Variants in NEBL observed in about 807,000 individuals in gnomAD.
NEBL encodes nebulette, also known as LIM and SH3 protein 2.
NEBL carries 122 observed loss-of-function variants against 140.2 expected under a neutral mutation model. The observed-to-expected ratio is 0.87, with a 90% CI of 0.75 to 1.01. The LOEUF is 1.01. NEBL is among the 50% of genes least tolerant of loss of function. NEBL has a pLI of 0.00. For synonymous variants in NEBL, 436 were observed against 398.9 expected, an observed-to-expected ratio of 1.09 and a Z score of -1.11; for missense variants, 1,365 against 1,231.3, an observed-to-expected ratio of 1.11 and a Z score of -1.62.
At chr10:21,130,636 C>T (rs1330201531) in intron 2 of NEBL, among the ~76,000 whole-genome samples, 1 of 152,066 alleles carries the variant, frequency 6.6e-6, no homozygotes, top group Non-Finnish European at 1.5e-5. Flanking sequence ...TTCTAAATAA[C>T]ACATGGTTCA....
At chr10:21,057,039 C>A (rs1230129480) in intron 2 of NEBL, among the ~76,000 whole-genome samples, 1 of 151,996 alleles carries the variant, frequency 6.6e-6, no homozygotes, top group African/African-American at 2.4e-5. Flanking sequence ...GTAGAAAAGT[C>A]AAGTTTACTC....
chr10:20,807,080 C>T (rs1588647943), intron 26 of NEBL, among the ~76,000 whole-genome samples: 1 of 152,130 alleles, frequency 6.6e-6, no homozygotes, highest in Non-Finnish European at 1.5e-5. Flanking sequence ...GATCCCCGCA[C>T]TTGGGAGGCT....
chr10:20,795,502 T>C (rs1270569443), intron 26 of NEBL, among the ~76,000 whole-genome samples: 2 of 152,212 alleles, frequency 1.3e-5, no homozygotes, highest in East Asian at 1.9e-4. Context: ...TTTAGATTTA[T>C]TGTAAGAGTC....
intron 2 of NEBL, among the ~76,000 whole-genome samples, chr10:21,249,230 T>C (rs558520688): frequency 1.3e-5 from 2 of 152,286 alleles, no homozygotes; most frequent in East Asian, 3.9e-4. Context: ...TTTTTGTCGT[T>C]GAATCTTAGG....
intron 3 of NEBL, among the ~76,000 whole-genome samples, chr10:21,222,237 G>A (rs1424570797): frequency 6.6e-6 from 1 of 151,468 alleles, no homozygotes; most frequent in Non-Finnish European, 1.5e-5. Flanking sequence ...CTTAAGCCCA[G>A]GAGTTGAGAG....
chr10:21,108,226 C>T (rs1837811959), intron 2 of NEBL, among the ~76,000 whole-genome samples: 2 of 151,990 alleles, frequency 1.3e-5, no homozygotes, highest in African/African-American at 4.8e-5. Flanking sequence ...TTTGCTCTTG[C>T]TTCTCTAGTT....
chr10:21,122,843 C>A (rs1333997611), intron 2 of NEBL, among the ~76,000 whole-genome samples: 1 of 152,162 alleles, frequency 6.6e-6, no homozygotes, highest in African/African-American at 2.4e-5. Context: ...TCCACTTATA[C>A]CCCCTTCAAG....
chr10:21,113,421 C>A, intron 2 of NEBL: 1 of 420,818 alleles, frequency 2.4e-6, no homozygotes, highest in South Asian at 1.9e-5. Context: ...AAGCCAAGTT[C>A]ATCAATTATG....
At chr10:21,044,400 A>T (rs868441401) in intron 2 of NEBL, among the ~76,000 whole-genome samples, 35 of 139,822 alleles carry the variant, frequency 2.5e-4, no homozygotes, top group African/African-American at 8.7e-4. Flanking sequence ...GTAAGAATAA[A>T]AAAAAAAAAA....
At chr10:20,939,499 A>C (rs1338793199) in intron 4 of NEBL, among the ~76,000 whole-genome samples, 1 of 152,228 alleles carries the variant, frequency 6.6e-6, no homozygotes, top group East Asian at 1.9e-4. Context: ...TGTAAAGACC[A>C]TCGAGGCTAG....
intron 4 of NEBL, among the ~76,000 whole-genome samples, chr10:20,906,381 G>A (rs1157234930): frequency 6.6e-6 from 1 of 152,028 alleles, no homozygotes; most frequent in Non-Finnish European, 1.5e-5. Flanking sequence ...TACTACTGAT[G>A]CTCAGAAGTT....
chr10:21,032,997 G>T (rs535791894), intron 2 of NEBL, among the ~76,000 whole-genome samples: 4 of 152,010 alleles, frequency 2.6e-5, no homozygotes, highest in African/African-American at 9.7e-5. Context: ...TGGTGTAAAA[G>T]GTGAGAAATT....
chr10:21,022,370 A>G (rs1838833432), intron 2 of NEBL, among the ~76,000 whole-genome samples: 1 of 152,216 alleles, frequency 6.6e-6, no homozygotes, highest in Non-Finnish European at 1.5e-5. Context: ...CTGATGCAGT[A>G]ATCATTTGTC....
chr10:20,943,569 C>A (rs57298100), intron 4 of NEBL, among the ~76,000 whole-genome samples: 66 of 151,998 alleles, frequency 4.3e-4, no homozygotes, highest in African/African-American at 1.6e-3. Context: ...TGCACATGTA[C>A]CCTAAAAGTT....
At chr10:20,798,972 C>T (rs956755650) in intron 26 of NEBL, among the ~76,000 whole-genome samples, 1 of 151,988 alleles carries the variant, frequency 6.6e-6, no homozygotes, top group African/African-American at 2.4e-5. Flanking sequence ...TTTCGCTGCC[C>T]GAAACTTTTT....
chr10:21,007,788 GA>G (rs1418809039), intron 3 of NEBL, among the ~76,000 whole-genome samples: 3 of 152,114 alleles, frequency 2.0e-5, no homozygotes, highest in Non-Finnish European at 4.4e-5. Flanking sequence ...TTATATAGTA[GA>G]ATGAGTGATC....
chr10:21,218,559 G>GA (rs1290347491), intron 3 of NEBL, among the ~76,000 whole-genome samples: 5 of 152,156 alleles, frequency 3.3e-5, no homozygotes, highest in African/African-American at 9.6e-5. Flanking sequence ...TTTAAAAGAG[G>GA]AAAAAATGCA....
intron 14 of NEBL, among the ~76,000 whole-genome samples, chr10:20,834,320 T>C (rs1032647950): frequency 5.3e-5 from 8 of 152,098 alleles, no homozygotes; most frequent in African/African-American, 1.9e-4. Flanking sequence ...AATGACTATC[T>C]CTCAGGACGA....
chr10:20,885,169 C>A (rs2131343804), intron 4 of NEBL, among the ~76,000 whole-genome samples: 1 of 152,322 alleles, frequency 6.6e-6, no homozygotes, highest in East Asian at 1.9e-4. Context: ...GTTAGGACAT[C>A]ACAAATCTGA....
Sources: allele counts gnomAD v4.1 joint callset (sites outside exome capture counted in the v4.1 genomes callset), GRCh38; gene constraint gnomAD v4.1.1; transcripts MANE v1.5; gene names NCBI Gene and HGNC (gene_info 2026-07-23, HGNC 2026-07-21).